Variants in MAPK14 observed in about 807,000 individuals in gnomAD.
The protein encoded by MAPK14 is CSAID-binding protein.
In MAPK14, 16 loss-of-function variants were observed where a neutral mutation model predicts 49.6. The observed-to-expected ratio is 0.32, with a 90% CI of 0.22 to 0.49. The LOEUF (loss-of-function observed/expected upper bound fraction) is 0.49. Ranked by LOEUF, MAPK14 falls within the 20% of genes least tolerant of loss-of-function variation. MAPK14 has a pLI of 0.99. For missense variants in MAPK14, 200 were observed against 441.2 expected (o/e 0.45, Z 4.90); for synonymous variants, 142 against 158.0 (o/e 0.90, Z 0.76).
At chr6:36,085,567 G>T (rs902023731) in intron 8 of MAPK14, among the ~76,000 whole-genome samples, 4 of 152,074 alleles carry the variant, frequency 2.6e-5, no homozygotes, top group Admixed American at 6.6e-5. Context: ...TATCAAAAAA[G>T]ACAAGGGCAT....
At chr6:36,061,300 C>T (rs933053061) in intron 3 of MAPK14, among the ~76,000 whole-genome samples, 3 of 152,100 alleles carry the variant, frequency 2.0e-5, no homozygotes, top group Admixed American at 2.0e-4. Flanking sequence ...CATTCTGGAA[C>T]CGGATTAAGA....
chr6:36,057,746 G>T (rs1287865760), intron 2 of MAPK14, among the ~76,000 whole-genome samples: 1 of 151,956 alleles, frequency 6.6e-6, no homozygotes, highest in African/African-American at 2.4e-5. Context: ...TCTGATATTT[G>T]GATGAGTGGA....
intron 8 of MAPK14, among the ~76,000 whole-genome samples, chr6:36,079,202 C>T: frequency 6.6e-6 from 1 of 152,060 alleles, no homozygotes; most frequent in East Asian, 1.9e-4. Context: ...AAACCAAGAC[C>T]CAGAGAATAT....
intron 3 of MAPK14, among the ~76,000 whole-genome samples, chr6:36,065,507 G>GGTGTGTGTGTGTGTGTGTGTGTGTGTGT (rs386358922): frequency 4.4e-4 from 54 of 122,542 alleles, no homozygotes; most frequent in Admixed American, 5.7e-4. Flanking sequence ...GGGCAGAAAA[G>GGTGTGTGTGTGTGTGTGTGTGTGTGTGT]GTGTGTGTGT....
At chr6:36,084,654 T>G (rs1764906065) in intron 8 of MAPK14, among the ~76,000 whole-genome samples, 3 of 152,090 alleles carry the variant, frequency 2.0e-5, no homozygotes, top group African/African-American at 7.2e-5. Context: ...TGAACAAAAC[T>G]TTTGAGAACT....
At chr6:36,114,755 CAG>C (rs1562161731), downstream of MAPK14, among the ~76,000 whole-genome samples, 2 of 151,014 alleles carry the variant, frequency 1.3e-5, no homozygotes, top group African/African-American at 4.9e-5. Context: ...TAAAAAAAAA[CAG>C]TAGGTTGAGT....
Position 36,107,967 on chromosome 6 carries a change from C to G in MAPK14, c.1015+339C>G, listed in dbSNP as rs1765848361. On this transcript the variant is annotated intron_variant, in intron 11 of 11. Coordinates refer to ENST00000229794, the MANE Select transcript of MAPK14 (RefSeq NM_139012.3). The surrounding 1 kb of genome is among the most constrained non-coding windows in gnomAD (Gnocchi z 4.3). ...AGAGAATTTATGTCTTATCAGTTAACTTAGAACTAGTTAGGGACATAGCCA... is the reference window on the plus strand; with the variant it reads ...AGAGAATTTATGTCTTATCAGTTAAGTTAGAACTAGTTAGGGACATAGCCA... 6.6e-6 allele frequency among the ~76,000 whole-genome samples: 1 copy of G among 152,154 alleles called. No homozygotes were observed. The highest frequency in any genetic ancestry group is 1.5e-5 in the Non-Finnish European group (1 of 68,036).
intron 1 of MAPK14, among the ~76,000 whole-genome samples, chr6:36,035,628 A>G (rs1033733171): frequency 6.6e-6 from 1 of 152,282 alleles, no homozygotes; most frequent in African/African-American, 2.4e-5. Flanking sequence ...CCAAACAGCC[A>G]ATTTGTGAAT....
At chr6:36,047,005 A>G (rs980147775) in intron 1 of MAPK14, among the ~76,000 whole-genome samples, 1 of 152,250 alleles carries the variant, frequency 6.6e-6, no homozygotes, top group African/African-American at 2.4e-5. Context: ...TGGGTCCCAC[A>G]GGGGCAATGG....
intron 1 of MAPK14, among the ~76,000 whole-genome samples, chr6:36,035,619 C>T (rs1762717074): frequency 6.6e-6 from 1 of 152,146 alleles, no homozygotes; most frequent in Non-Finnish European, 1.5e-5. Flanking sequence ...CTTCTTGTAC[C>T]AAACAGCCAA....
chr6:36,104,450 C>T (rs570610099), intron 10 of MAPK14, among the ~76,000 whole-genome samples: 47 of 151,850 alleles, frequency 3.1e-4, no homozygotes, highest in Non-Finnish European at 4.6e-4. Context: ...TGCAGTGGTG[C>T]GATCTCGGCT....
At chr6:36,052,872 G>A in intron 2 of MAPK14, 44 bp downstream of exon 2, 1 of 1,551,942 alleles carries the variant, frequency 6.4e-7, no homozygotes, top group Admixed American at 1.8e-5. Flanking sequence ...ATCTTGAATA[G>A]ACTGGGGAAA....
intron 8 of MAPK14, among the ~76,000 whole-genome samples, chr6:36,078,658 G>A: frequency 6.6e-6 from 1 of 152,112 alleles, no homozygotes; most frequent in East Asian, 1.9e-4. Context: ...TAATACATGA[G>A]AATTCATTTC....
intron 8 of MAPK14, 107 bp from the exon 9 acceptor site, chr6:36,095,880 C>T (rs1180942943): frequency 5.8e-6 from 4 of 690,262 alleles, no homozygotes; most frequent in Non-Finnish European, 9.8e-6. Flanking sequence ...TGGGGTGTTT[C>T]ATTTTTGTTC....
At chr6:36,032,991 T>C (rs1177660523) in intron 1 of MAPK14, among the ~76,000 whole-genome samples, 1 of 152,150 alleles carries the variant, frequency 6.6e-6, no homozygotes, top group African/African-American at 2.4e-5. Context: ...TCTATTTTTT[T>C]TTTTTTTTAG....
At chr6:36,084,934 TAGG>T (rs1260150670) in intron 8 of MAPK14, among the ~76,000 whole-genome samples, 2 of 113,334 alleles carry the variant, frequency 1.8e-5, no homozygotes, top group East Asian at 5.1e-4. Flanking sequence ...AGAGAAAGGC[TAGG>T]TCACCTACAA....
At chr6:36,118,796 T>C in the MAPK14 span, among the ~76,000 whole-genome samples, 1 of 152,164 alleles carries the variant, frequency 6.6e-6, no homozygotes, top group Non-Finnish European at 1.5e-5. Context: ...GGAGTGTCCC[T>C]ATCTGGAGGC....
At chr6:36,071,668 A>T (rs77630146) in intron 3 of MAPK14, among the ~76,000 whole-genome samples, 3 of 152,234 alleles carry the variant, frequency 2.0e-5, no homozygotes, top group Non-Finnish European at 4.4e-5. Flanking sequence ...AATAAAAAAA[A>T]TACTCCTATT....
Position 36,107,141 on chromosome 6 carries a change from A to G in MAPK14, c.842-314A>G, listed in dbSNP as rs537542091. On this transcript the variant is annotated intron_variant, in intron 10 of 11. Coordinates refer to ENST00000229794, the MANE Select transcript of MAPK14 (RefSeq NM_139012.3). The surrounding 1 kb of genome is among the most constrained non-coding windows in gnomAD (Gnocchi z 4.3). Reference sequence around the variant, plus strand: ...TAACCTATCGGGTACAATGTTCACTATTTGGTTAATGGGCACGCTAGAAGC... The same window carrying G: ...TAACCTATCGGGTACAATGTTCACTGTTTGGTTAATGGGCACGCTAGAAGC... Among the ~76,000 whole-genome samples, 15 of 152,320 alleles carry G rather than the reference A, an allele frequency of 9.8e-5. No individual in the cohort carries two copies. In the South Asian group the frequency reaches 2.7e-3, roughly 27 times the overall value.
Sources: gnomAD v4.1 joint callset for allele counts (sites outside exome capture counted in the v4.1 genomes callset) on GRCh38, gnomAD v4.1.1 for gene constraint, Gnocchi (gnomAD v3.1) non-coding constraint, MANE v1.5 for transcripts, NCBI Gene and HGNC (gene_info 2026-07-23, HGNC 2026-07-21) for gene names.